The following ZNF618 variants were observed in gnomAD, a reference collection of about 807,000 sequenced individuals.
ZNF618 encodes the protein neural precursor cell expressed, developmentally down-regulated 10.
ZNF618 carries 34 observed loss-of-function variants against 103.0 expected under a neutral mutation model. That is an observed-to-expected ratio of 0.33 (90% CI 0.25 to 0.44). ZNF618 has a LOEUF of 0.44. Among genes scored for constraint, ZNF618 ranks in the 20% least tolerant of loss-of-function variants. The pLI, the probability that ZNF618 is intolerant of heterozygous loss-of-function variation, is 1.00. For missense variants in ZNF618, 1,059 were observed against 1,295.4 expected, an observed-to-expected ratio of 0.82 and a Z score of 2.80; for synonymous variants, 551 against 542.2, an observed-to-expected ratio of 1.02 and a Z score of -0.23.
chr9:113,886,952 G>C (rs4978558), intron 1 of ZNF618, among the ~76,000 whole-genome samples: 5,105 of 134,694 alleles, frequency 0.038, 535 homozygotes, highest in East Asian at 0.31. Flanking sequence ...TAATTTCATT[G>C]GTTTCTTTTT....
At chr9:113,967,701 T>C (rs1289962958) in intron 1 of ZNF618, among the ~76,000 whole-genome samples, 1 of 152,188 alleles carries the variant, frequency 6.6e-6, no homozygotes, top group Non-Finnish European at 1.5e-5. Flanking sequence ...GAGGATTAAA[T>C]GAGAGAAGGC....
At chr9:113,950,809 G>A (rs756385090) in intron 1 of ZNF618, among the ~76,000 whole-genome samples, 3 of 152,126 alleles carry the variant, frequency 2.0e-5, no homozygotes, top group African/African-American at 7.2e-5. Context: ...CATTCGAGAG[G>A]TTCCCTGGTG....
intron 1 of ZNF618, among the ~76,000 whole-genome samples, chr9:113,918,067 A>C (rs993378053): frequency 7.2e-5 from 11 of 152,158 alleles, no homozygotes; most frequent in African/African-American, 2.7e-4. Flanking sequence ...TCAGGGGCAG[A>C]TCCTTGGTCA....
intron 4 of ZNF618, among the ~76,000 whole-genome samples, chr9:114,000,401 C>T (rs969625182): frequency 7.9e-5 from 12 of 152,164 alleles, no homozygotes; most frequent in Non-Finnish European, 1.6e-4. Flanking sequence ...GCCCACGGCC[C>T]GTGACCGCAT....
intron 7 of ZNF618, among the ~76,000 whole-genome samples, 192 bp from the exon 8 acceptor site, chr9:114,008,152 G>A (rs1267934923): frequency 2.0e-5 from 3 of 152,260 alleles, no homozygotes; most frequent in African/African-American, 4.8e-5. Context: ...CTGTGTCCTG[G>A]TTGGGATGTA....
chr9:114,048,082 C>G (rs1241893595), intron 14 of ZNF618, 88 bp downstream of exon 14: 1 of 1,163,548 alleles, frequency 8.6e-7, no homozygotes, highest in African/African-American at 1.5e-5. Context: ...ATTTGTGCTT[C>G]CTGTGATGTT....
chr9:114,041,339 G>C (rs370694613), intron 13 of ZNF618, among the ~76,000 whole-genome samples: 4 of 152,038 alleles, frequency 2.6e-5, no homozygotes, highest in Non-Finnish European at 4.4e-5. Context: ...TTAATTAGAT[G>C]CCATTTGTCA....
At chr9:113,887,424 A>G (rs768533440) in intron 1 of ZNF618, among the ~76,000 whole-genome samples, 1 of 152,174 alleles carries the variant, frequency 6.6e-6, no homozygotes, top group Admixed American at 6.5e-5. Context: ...ATCCCTGACA[A>G]TTTCTCTGCC....
At chr9:113,900,652 G>C (rs1055260461) in intron 1 of ZNF618, among the ~76,000 whole-genome samples, 2 of 148,152 alleles carry the variant, frequency 1.3e-5, no homozygotes, top group South Asian at 4.4e-4. Flanking sequence ...CCGAGCTCCC[G>C]TCTCCTAGCA....
intron 10 of ZNF618, among the ~76,000 whole-genome samples, chr9:114,026,248 G>T (rs1347106975): frequency 6.6e-6 from 1 of 152,210 alleles, no homozygotes; most frequent in Non-Finnish European, 1.5e-5. Context: ...ATATGAGAAG[G>T]CAAGGAGCTC....
At chr9:114,018,655 C>T (rs1842831381) in intron 10 of ZNF618, among the ~76,000 whole-genome samples, 1 of 152,230 alleles carries the variant, frequency 6.6e-6, no homozygotes, top group South Asian at 2.1e-4. Context: ...GGGTGTGTCT[C>T]TTCCACCCTA....
intron 12 of ZNF618, chr9:114,035,334 T>TG: frequency 1.2e-6 from 1 of 834,174 alleles, no homozygotes; most frequent in Non-Finnish European, 1.4e-6. Flanking sequence ...CTGTGTGAGA[T>TG]GGGCCTTGGG....
At chr9:114,041,852 C>A (rs1440560114) in intron 13 of ZNF618, among the ~76,000 whole-genome samples, 1 of 152,132 alleles carries the variant, frequency 6.6e-6, no homozygotes, top group Non-Finnish European at 1.5e-5. Flanking sequence ...GTAGTTTTTT[C>A]CAATTCTGTG....
At chr9:113,881,103 C>T (rs1193335468) in intron 1 of ZNF618, among the ~76,000 whole-genome samples, 1 of 152,188 alleles carries the variant, frequency 6.6e-6, no homozygotes, top group Non-Finnish European at 1.5e-5. Context: ...AGCGTCTTTG[C>T]AAGGTCTTCT....
chr9:113,928,304 A>G (rs1375971088), intron 1 of ZNF618, among the ~76,000 whole-genome samples: 2 of 152,126 alleles, frequency 1.3e-5, no homozygotes, highest in Non-Finnish European at 1.5e-5. Flanking sequence ...TATGTTAACC[A>G]TCTGTTTTTG....
chr9:113,880,879 C>G (rs1828457543), intron 1 of ZNF618, among the ~76,000 whole-genome samples: 1 of 152,174 alleles, frequency 6.6e-6, no homozygotes, highest in Admixed American at 6.5e-5. Context: ...ATTGCTTATA[C>G]TTTATTTTTG....
intron 9 of ZNF618, among the ~76,000 whole-genome samples, chr9:114,009,972 C>G (rs1417619892): frequency 6.6e-6 from 1 of 152,218 alleles, no homozygotes; most frequent in Non-Finnish European, 1.5e-5. Flanking sequence ...CTGTCACATG[C>G]ATAGTAAACA....
chr9:113,998,301 G>A lies in ZNF618; in HGVS notation c.380G>A (p.Arg127Gln), dbSNP rs1013526687. 7.1e-6 allele frequency: 11 copies of A among 1,550,470 alleles called. No homozygotes were observed. The African/African-American group carries it at 8.2e-5, about 12-fold the overall frequency. ...PEGSPHGGSV[R>Q]SRYSGTWIFD... is the part of the protein sequence containing the mutation. Reference sequence around the variant, plus strand: ...GGCAGCCCCCACGGTGGATCTGTGCGAAGCCGGTATTCAGGGACCTGGATT... The same window carrying A: ...GGCAGCCCCCACGGTGGATCTGTGCAAAGCCGGTATTCAGGGACCTGGATT... Residue 127 changes from arginine (R) to glutamine (Q), a missense_variant, in exon 4 of 15, where the codon CGA becomes CAA. Arg to Gln is a conservative substitution (Grantham distance 43, BLOSUM62 1). This residue lies in a region of ZNF618 where 194 missense variants were observed against 209.0 expected (regional missense o/e 0.93). Transcript: ENST00000374126.
At chr9:113,924,692 G>A (rs1832925492) in intron 1 of ZNF618, among the ~76,000 whole-genome samples, 2 of 151,852 alleles carry the variant, frequency 1.3e-5, no homozygotes, top group Admixed American at 6.5e-5. Flanking sequence ...CACTGCACTT[G>A]CTGCTTCCCA....
Sources: allele counts gnomAD v4.1 joint callset (sites outside exome capture counted in the v4.1 genomes callset), GRCh38; gene constraint gnomAD v4.1.1; regional missense constraint gnomAD v4.1.1; transcripts MANE v1.5; gene names NCBI Gene and HGNC (gene_info 2026-07-23, HGNC 2026-07-21).